Variants in RCN2 observed in about 807,000 individuals in gnomAD.
RCN2 encodes reticulocalbin 2.
Under a neutral mutation model 37.5 loss-of-function variants are expected in RCN2, and 23 were observed. The observed-to-expected ratio is 0.61, with a 90% CI of 0.44 to 0.87. RCN2 has a LOEUF of 0.87. Among genes scored for constraint, RCN2 ranks in the 40% least tolerant of loss-of-function variants. The pLI, the probability that RCN2 is intolerant of heterozygous loss-of-function variation, is 0.00. For synonymous variants in RCN2, 140 were observed against 144.6 expected (o/e 0.97, Z 0.23); for missense variants, 381 against 390.4 (o/e 0.98, Z 0.20).
At chr15:76,937,284 G>T (rs1349786583) in intron 3 of RCN2, among the ~76,000 whole-genome samples, 4 of 152,066 alleles carry the variant, frequency 2.6e-5, no homozygotes, top group Non-Finnish European at 5.9e-5. Flanking sequence ...GTGGGATCCT[G>T]CTTTCCATTG....
chr15:76,932,019 G>A (rs1206360870), intron 1 of RCN2, 34 bp downstream of exon 1: 17 of 1,240,056 alleles, frequency 1.4e-5, no homozygotes, highest in Non-Finnish European at 1.7e-5. Flanking sequence ...GGAGGGCCGG[G>A]CCTCGCACCG....
rs1269473810 is a variant in RCN2, at chr15:76,932,447, A to G, written c.231A>G (p.Ser77=). 6.2e-7 allele frequency: 1 copy of G among 1,611,500 alleles called. No homozygotes were observed. The highest frequency in any genetic ancestry group is 1.3e-5 in the African/African-American group (1 of 74,420). Reference sequence around the variant, plus strand: ...TCATAAAGAAAATCGACTTGGACTCAGATGGCTTTCTCACTGAAAGTAAGG... The same window carrying G: ...TCATAAAGAAAATCGACTTGGACTCGGATGGCTTTCTCACTGAAAGTAAGG... ...QAIIKKIDLD[S]DGFLTESELS... Residue 77 remains serine (S), a synonymous_variant, in exon 2 of 7, where the codon TCA becomes TCG. Transcript: ENST00000394885.
chr15:76,940,421 T>A (rs994165763), intron 3 of RCN2, among the ~76,000 whole-genome samples: 2 of 152,056 alleles, frequency 1.3e-5, no homozygotes, highest in African/African-American at 4.8e-5. Context: ...CTCAAAGTTA[T>A]AGACTAAACA....
chr15:76,931,923 C>T lies in RCN2; in HGVS notation c.82C>T (p.Leu28=). The T allele has an allele frequency of 1.5e-6, 2 of 1,315,438 alleles. No individual in the cohort carries two copies. The highest frequency in any genetic ancestry group is 2.0e-5 in the South Asian group (1 of 49,438). 81.5% of individuals were successfully genotyped at this position (1,315,438 alleles called of 1,614,324 possible). Residue 28 remains leucine (L), a synonymous_variant, in exon 1 of 7, where the codon CTG becomes TTG. Transcript: ENST00000394885. ...AAAGAGKAEE[L]HYPLGERRSD... ...GGCCGGCGCCGGCAAGGCCGAGGAG[C>T]TGCACTACCCGCTGGGCGAGCGCCG...
At chr15:76,940,109 A>T (rs1051149606) in intron 3 of RCN2, among the ~76,000 whole-genome samples, 4 of 148,554 alleles carry the variant, frequency 2.7e-5, no homozygotes, top group Admixed American at 6.7e-5. Context: ...CCTTTTGGTT[A>T]TTTTTTTTTT....
chr15:76,951,536 A>G lies in RCN2; in HGVS notation c.*2314A>G, dbSNP rs1408637719. 6.6e-6 allele frequency: 1 copy of G among 152,232 alleles called. No individual in the cohort carries two copies. The highest frequency in any genetic ancestry group is 1.5e-5 in the Non-Finnish European group (1 of 68,048). 9.4% of individuals were successfully genotyped at this position (152,232 alleles called of 1,614,324 possible). A position where few individuals can be genotyped will look rare whatever the true frequency, so the allele number is the denominator to read the frequency against. ...AGCAGAGCCCATCCTGCTGTGACTG[A>G]GTGAAGATTTCACATTTAACAATAG... is the stretch of plus-strand genomic sequence containing the variant. On this transcript the variant is annotated 3_prime_UTR_variant, in exon 7 of 7. Transcript: ENST00000394885.
At position 76,938,095 on chromosome 15, in the gene RCN2, T is replaced by A. The variant is rs545750111; in HGVS notation, c.447+2373T>A. ...CCAAGAATTTTTTTAAGATAGTTTT[T>A]ATGTGTAGAAAAACATAAAAATAAA... On this transcript the variant is annotated intron_variant, in intron 3 of 6. Coordinates refer to ENST00000394885, the MANE Select transcript of RCN2 (RefSeq NM_002902.3). Among the ~76,000 whole-genome samples the A allele has an allele frequency of 7.9e-4, 120 of 152,318 alleles. 1 individual carries two copies. The highest frequency in any genetic ancestry group is 2.6e-3 in the African/African-American group (109 of 41,578).
Position 76,950,493 on chromosome 15 carries a change from A to G in RCN2, c.*1271A>G, listed in dbSNP as rs1477214167. 1.4e-5 allele frequency: 2 copies of G among 143,812 alleles called. No homozygotes were observed. The highest frequency in any genetic ancestry group is 2.2e-4 in the South Asian group (1 of 4,624). The allele number at this position is 143,812 out of a possible 1,614,324, so 8.9% of individuals were successfully genotyped here. On this transcript the variant is annotated 3_prime_UTR_variant, in exon 7 of 7. Transcript: ENST00000394885. ...AAGCTCTGCCTCCTGGGTTCACGCC[A>G]TTCTCCTGCCTCAGCCTCCCGAGTA...
Position 76,948,522 on chromosome 15 carries a change from A to G in RCN2, c.771A>G (p.Val257=). The G allele has an allele frequency of 6.3e-7, 1 of 1,599,468 alleles. No individual in the cohort carries two copies. The highest frequency in any genetic ancestry group is 2.2e-5 in the East Asian group (1 of 44,546). ...CCCAAGAGCTGTTACCTTGGGTAGTACCTAATAATCAGGGCATTGCACAAG... is the reference window on the plus strand; with the variant it reads ...CCCAAGAGCTGTTACCTTGGGTAGTGCCTAATAATCAGGGCATTGCACAAG... ...LDPQELLPWV[V]PNNQGIAQEE... The change falls in exon 6 of 7, where the codon GTA becomes GTG. Residue 257 remains valine, a synonymous_variant. Transcript: ENST00000394885.
rs75126260 is a variant in RCN2, at chr15:76,947,357, C to T, written c.562-64C>T. Reference sequence around the variant, plus strand: ...AAGAAGTTCTGTAGTAGAATTGAATCGGATGGCAGTGGGACTGAACATTTT... The same window carrying T: ...AAGAAGTTCTGTAGTAGAATTGAATTGGATGGCAGTGGGACTGAACATTTT... On this transcript the variant is annotated intron_variant, in intron 4 of 6. Transcript: ENST00000394885. 8.5e-3 allele frequency: 7,923 copies of T among 926,672 alleles called. 312 individuals are homozygous for T. In the Admixed American group the frequency reaches 0.09, roughly 10 times the overall value. The allele number at this position is 926,672 out of a possible 1,614,324, so 57.4% of individuals were successfully genotyped here. A position where few individuals can be genotyped will look rare whatever the true frequency, so the allele number is the denominator to read the frequency against.
At chr15:76,933,731 T>A (rs1488069167) in intron 2 of RCN2, among the ~76,000 whole-genome samples, 1 of 152,238 alleles carries the variant, frequency 6.6e-6, no homozygotes, top group Non-Finnish European at 1.5e-5. Context: ...TCTGTTTTCT[T>A]CTATGCCATG....
At position 76,941,726 on chromosome 15, in the gene RCN2, G is replaced by A. The variant is rs945460422; in HGVS notation, c.448-2032G>A. 20 of 1,112,596 alleles carry A rather than the reference G, an allele frequency of 1.8e-5. No homozygotes were observed. In the Admixed American group the frequency reaches 1.8e-4, roughly 10 times the overall value. The allele number at this position is 1,112,596 out of a possible 1,614,324, so 68.9% of individuals were successfully genotyped here. A position where few individuals can be genotyped will look rare whatever the true frequency, so the allele number is the denominator to read the frequency against. On this transcript the variant is annotated intron_variant, in intron 3 of 6. Coordinates refer to ENST00000394885, the MANE Select transcript of RCN2 (RefSeq NM_002902.3). ...CTTATTTTGTGTTCTTCAAATGGCCGTGAAATGTGAACCAGAAAAAGCTAC... is the reference window on the plus strand; with the variant it reads ...CTTATTTTGTGTTCTTCAAATGGCCATGAAATGTGAACCAGAAAAAGCTAC...
chr15:76,938,076 AT>A (rs1367187955), intron 3 of RCN2, among the ~76,000 whole-genome samples: 1 of 152,202 alleles, frequency 6.6e-6, no homozygotes, highest in African/African-American at 2.4e-5. Context: ...ATCACCAAGA[AT>A]TTTTTTAAGA....
In RCN2 at chr15:76,951,247, G is replaced by C. The variant is rs999235380; in HGVS notation, c.*2025G>C. ...ACACTTCCCAGCCCTCTTGTAGGTA[G>C]GCGATGGCTAGTTCTGACCAGTTAA... is the stretch of plus-strand genomic sequence containing the variant. On this transcript the variant is annotated 3_prime_UTR_variant, in exon 7 of 7. Coordinates refer to ENST00000394885, the MANE Select transcript of RCN2 (RefSeq NM_002902.3). The C allele has an allele frequency of 6.6e-6, 1 of 152,236 alleles. No individual in the cohort carries two copies. Among genetic ancestry groups the C allele is most frequent in the Admixed American group, 6.5e-5 (1 of 15,288 alleles). 9.4% of individuals were successfully genotyped at this position (152,236 alleles called of 1,614,324 possible). A position where few individuals can be genotyped will look rare whatever the true frequency, so the allele number is the denominator to read the frequency against.
chr15:76,947,668 A>G (rs994662897), intron 5 of RCN2, 151 bp downstream of exon 5: 1 of 581,640 alleles, frequency 1.7e-6, no homozygotes, highest in Non-Finnish European at 3.0e-6. Context: ...TACAAGTTCA[A>G]CAAATGGATT....
intron 3 of RCN2, among the ~76,000 whole-genome samples, chr15:76,940,895 T>G (rs189343849): frequency 6.6e-6 from 1 of 152,074 alleles, no homozygotes; most frequent in Non-Finnish European, 1.5e-5. Flanking sequence ...AGTTTTCATA[T>G]AGGGAATAAA....
chr15:76,938,103 GA>G (rs901692277), intron 3 of RCN2, among the ~76,000 whole-genome samples: 9 of 151,992 alleles, frequency 5.9e-5, no homozygotes, highest in African/African-American at 2.2e-4. Context: ...TTTATGTGTA[GA>G]AAAACATAAA....
At chr15:76,944,828 A>T (rs1055887945) in intron 4 of RCN2, among the ~76,000 whole-genome samples, 1 of 152,232 alleles carries the variant, frequency 6.6e-6, no homozygotes, top group Non-Finnish European at 1.5e-5. Context: ...GAACAGTGCT[A>T]CAACAAACAT....
rs2075339065 is a variant in RCN2 at position 76,954,198 on chromosome 15, T to C, written c.*4976T>C. The C allele has an allele frequency of 1.3e-5, 2 of 152,162 alleles. No individual in the cohort carries two copies. The highest frequency in any genetic ancestry group is 4.8e-5 in the African/African-American group (2 of 41,422). The allele number at this position is 152,162 out of a possible 1,614,324, so 9.4% of individuals were successfully genotyped here. On this transcript the variant is annotated 3_prime_UTR_variant, in exon 7 of 7. Transcript: ENST00000394885. ...TTTGCAATTTAAATGTGAGGATAAA[T>C]GTATGCTATTGTTTCTCAAACGTTT...
Sources: gnomAD v4.1 joint callset for allele counts (sites outside exome capture counted in the v4.1 genomes callset) on GRCh38, gnomAD v4.1.1 for gene constraint, MANE v1.5 for transcripts, NCBI Gene and HGNC (gene_info 2026-07-23, HGNC 2026-07-21) for gene names.